IQGAP2: variants seen among roughly 807,000 people sequenced by gnomAD.
The protein encoded by IQGAP2 is IQ motif containing GTPase activating protein 2, also known as ras GTPase-activating-like protein IQGAP2.
A neutral mutation model predicts 201.3 loss-of-function variants in IQGAP2; 173 were observed. The observed-to-expected ratio is 0.86, with a 90% CI of 0.76 to 0.98. The LOEUF is 0.98. Ranked by LOEUF, IQGAP2 falls within the 50% of genes least tolerant of loss-of-function variation. The pLI, the probability that IQGAP2 is intolerant of heterozygous loss-of-function variation, is 0.00. For missense variants in IQGAP2, 1,687 were observed against 1,864.8 expected (o/e 0.90, Z 1.76); for synonymous variants, 675 against 673.9 (o/e 1.00, Z -0.03).
Position 76,671,911 on chromosome 5 carries a change from T to TG in IQGAP2, c.2996_2997insG (p.Ile999MetfsTer30). 3 of 1,614,098 alleles carry TG rather than the reference T, an allele frequency of 1.9e-6. No homozygotes were observed. Among genetic ancestry groups the TG allele is most frequent in the Non-Finnish European group, 1.7e-6 (2 of 1,180,006 alleles). ...GAGATCATCGACGACAAGTCGCTGA[T>TG]TATCAACACAAACCCTGTAGAGGTG... is the stretch of plus-strand genomic sequence containing the variant. On this transcript the variant is annotated frameshift_variant, in exon 24 of 36. Transcript: ENST00000274364. LOFTEE classifies it high-confidence loss of function.
chr5:76,677,468 A>T, intron 28 of IQGAP2, 118 bp downstream of exon 28: 1 of 834,242 alleles, frequency 1.2e-6, no homozygotes, highest in Non-Finnish European at 1.7e-6. Context: ...TCATATTCTT[A>T]ACCCTAAAAA....
chr5:76,490,801 A>G (rs923874602), intron 2 of IQGAP2, among the ~76,000 whole-genome samples: 3 of 152,164 alleles, frequency 2.0e-5, no homozygotes, highest in Non-Finnish European at 2.9e-5. Context: ...AAAAAATACT[A>G]TGGAATCTGT....
intron 1 of IQGAP2, among the ~76,000 whole-genome samples, chr5:76,439,830 C>A (rs185761406): frequency 6.6e-6 from 1 of 152,186 alleles, no homozygotes; most frequent in Non-Finnish European, 1.5e-5. Context: ...TTAAGTGGAG[C>A]ATTTAGGCTA....
At chr5:76,545,150 G>A (rs1401693206) in intron 2 of IQGAP2, among the ~76,000 whole-genome samples, 1 of 152,076 alleles carries the variant, frequency 6.6e-6, no homozygotes. Flanking sequence ...ATACAATAGC[G>A]ATATGATTAA....
chr5:76,434,057 A>G (rs181136304), intron 1 of IQGAP2, among the ~76,000 whole-genome samples: 67 of 152,284 alleles, frequency 4.4e-4, no homozygotes, highest in Middle Eastern at 3.4e-3. Flanking sequence ...ATAAGCCAGG[A>G]AGGAAAAAAT....
Position 76,588,909 on chromosome 5 carries a change from G to C in IQGAP2, c.462G>C (p.Leu154Phe). The C allele has an allele frequency of 6.3e-7, 1 of 1,591,134 alleles. No homozygotes were observed. The highest frequency in any genetic ancestry group is 2.2e-5 in the East Asian group (1 of 44,476). Residue 154 changes from leucine (L) to phenylalanine (F), a missense_variant, in exon 6 of 36, where the codon TTG (leucine) becomes TTC (phenylalanine). Physicochemically the swap from Leu to Phe is conservative, Grantham distance 22. Transcript: ENST00000274364. ...RMIYCIHALS[L>F]YLFKLGIAPQ... ...ATTTTGTGTTTTTTTCTTTCAGTTT[G>C]TATCTGTTCAAACTAGGAATAGCAC... is the stretch of plus-strand genomic sequence containing the variant.
chr5:76,436,498 TATATATATATATATATATA>T (rs1339060974), intron 1 of IQGAP2, among the ~76,000 whole-genome samples: 7 of 20,562 alleles, frequency 3.4e-4, no homozygotes, highest in East Asian at 1.1e-3. Context: ...TATATATATA[TATATATATATATATATATA>T]TTTTTTTTTT....
At chr5:76,644,481 A>G (rs1305985023) in intron 17 of IQGAP2, among the ~76,000 whole-genome samples, 3 of 151,296 alleles carry the variant, frequency 2.0e-5, no homozygotes, top group Admixed American at 1.3e-4. Flanking sequence ...GGTATTTTTT[A>G]TAGAGACAGA....
At position 76,426,648 on chromosome 5, in the gene IQGAP2, T is replaced by A. The variant is rs546036405; in HGVS notation, c.46+23057T>A. On this transcript the variant is annotated intron_variant, in intron 1 of 35. Transcript: ENST00000274364. ...GCTTTGTGTTGTAAAGGAACTGGTC[T>A]ATGTGCCGAGTCTGCTGGGAAGCAG... Among the ~76,000 whole-genome samples, 87 of 152,348 alleles carry A rather than the reference T, an allele frequency of 5.7e-4. 2 individuals are homozygous for A. Among genetic ancestry groups the A allele is most frequent in the Admixed American group, 5.7e-3 (87 of 15,304 alleles).
intron 12 of IQGAP2, chr5:76,609,368 C>A: frequency 2.7e-6 from 2 of 743,850 alleles, no homozygotes; most frequent in Non-Finnish European, 4.3e-6. Flanking sequence ...AGAGTTCTGT[C>A]AATGTTTACA....
At chr5:76,670,322 A>G (rs2150481120) in intron 23 of IQGAP2, among the ~76,000 whole-genome samples, 1 of 152,270 alleles carries the variant, frequency 6.6e-6, no homozygotes, top group Admixed American at 6.5e-5. Flanking sequence ...CATACTGGCT[A>G]ACATGGTGAA....
At chr5:76,584,535 G>A (rs1397411166) in intron 5 of IQGAP2, among the ~76,000 whole-genome samples, 1 of 152,168 alleles carries the variant, frequency 6.6e-6, no homozygotes, top group Non-Finnish European at 1.5e-5. Context: ...GAAAAGAAGA[G>A]CCTCAAAGTG....
chr5:76,695,573 G>A lies in IQGAP2; in HGVS notation c.4113G>A (p.Lys1371=), dbSNP rs1333833814. 5.6e-6 allele frequency: 9 copies of A among 1,614,184 alleles called. 1 individual carries two copies. In the South Asian group the frequency reaches 6.6e-5, roughly 12 times the overall value. The part of the protein sequence containing the change: ...EDAQLPLEQK[K]RKIQRNLRTL... ...CACAGCTGCCTCTTGAGCAGAAGAAGAGGAAAATCCAGAGGAATCTTCGGA... is the reference window on the plus strand; with the variant it reads ...CACAGCTGCCTCTTGAGCAGAAGAAAAGGAAAATCCAGAGGAATCTTCGGA... Residue 1371 remains lysine, a synonymous_variant, in exon 32 of 36, where the codon AAG becomes AAA. Coordinates refer to ENST00000274364, the MANE Select transcript of IQGAP2 (RefSeq NM_006633.5).
At chr5:76,429,602 A>ATATT (rs1243483059) in intron 1 of IQGAP2, among the ~76,000 whole-genome samples, 1 of 144,186 alleles carries the variant, frequency 6.9e-6, no homozygotes, top group African/African-American at 2.6e-5. Flanking sequence ...ATATATGTAT[A>ATATT]TTTATATATA....
chr5:76,548,302 A>G (rs946369966), intron 2 of IQGAP2, among the ~76,000 whole-genome samples: 1 of 152,206 alleles, frequency 6.6e-6, no homozygotes, highest in East Asian at 1.9e-4. Context: ...CCCCACAGAC[A>G]CTTCCGAAAG....
At chr5:76,426,198 C>G (rs541897373) in intron 1 of IQGAP2, among the ~76,000 whole-genome samples, 85 of 152,278 alleles carry the variant, frequency 5.6e-4, no homozygotes, top group South Asian at 1.2e-3. Flanking sequence ...CAAAAGCATG[C>G]CAGGCCTGGA....
At chr5:76,487,021 GT>G (rs889233332) in intron 2 of IQGAP2, among the ~76,000 whole-genome samples, 3 of 150,322 alleles carry the variant, frequency 2.0e-5, no homozygotes, top group Admixed American at 6.6e-5. Flanking sequence ...GCACAATAGT[GT>G]TTTTTTAATG....
intron 1 of IQGAP2, among the ~76,000 whole-genome samples, chr5:76,419,143 T>C (rs1487003557): frequency 6.6e-6 from 1 of 152,126 alleles, no homozygotes; most frequent in African/African-American, 2.4e-5. Context: ...TTAAACTTTA[T>C]TTATTTATTT....
intron 2 of IQGAP2, among the ~76,000 whole-genome samples, chr5:76,491,935 G>A (rs549692830): frequency 9.9e-5 from 15 of 152,212 alleles, no homozygotes; most frequent in South Asian, 8.3e-4. Context: ...CACATGCCCA[G>A]AGTTACTGAT....
Sources: allele counts gnomAD v4.1 joint callset (sites outside exome capture counted in the v4.1 genomes callset), GRCh38; gene constraint gnomAD v4.1.1; transcripts MANE v1.5; gene names NCBI Gene and HGNC (gene_info 2026-07-23, HGNC 2026-07-21).